Variants in ACTR3C observed in about 807,000 individuals in gnomAD.
ACTR3C encodes the protein actin-related protein 3C.
Under a neutral mutation model 26.3 loss-of-function variants are expected in ACTR3C, and 18 were observed. The ratio of observed to expected loss-of-function variants is 0.68; its 90% CI spans 0.47 to 1.01. The LOEUF is 1.01. ACTR3C is among the 50% of genes least tolerant of loss of function. ACTR3C has a pLI of 0.00. For synonymous variants in ACTR3C, 55 were observed against 94.5 expected (o/e 0.58, Z 2.42); for missense variants, 184 against 250.7 (o/e 0.73, Z 1.80).
chr7:150,038,851 C>T, the ACTR3C span, among the ~76,000 whole-genome samples: 4 of 118,788 alleles, frequency 3.4e-5, no homozygotes, highest in African/African-American at 1.0e-4. Context: ...GTGGGGGAAC[C>T]AGGGGCTGGC....
chr7:150,047,931 C>A, the ACTR3C span: 29 of 1,265,952 alleles, frequency 2.3e-5, no homozygotes, highest in Non-Finnish European at 3.0e-5. Context: ...CTCCCCACCC[C>A]GCTCCAGATT....
At chr7:150,137,271 T>C in the ACTR3C span, among the ~76,000 whole-genome samples, 1 of 152,222 alleles carries the variant, frequency 6.6e-6, no homozygotes, top group Non-Finnish European at 1.5e-5. Context: ...GAGTACTAAA[T>C]ACCAGCAAGA....
the ACTR3C span, among the ~76,000 whole-genome samples, chr7:149,920,346 A>G: frequency 6.6e-6 from 1 of 151,676 alleles, no homozygotes; most frequent in East Asian, 2.0e-4. Flanking sequence ...TCGCTTTGTC[A>G]CCCAGGCTGG....
chr7:150,010,785 C>T, the ACTR3C span, among the ~76,000 whole-genome samples: 55,502 of 148,108 alleles, frequency 0.37, 10,529 homozygotes, highest in East Asian at 0.46. Flanking sequence ...TGCTCAGAAA[C>T]GAGCCCTGAA....
chr7:150,247,925 A>C (rs1832557280), intron 7 of ACTR3C: 1 of 152,282 alleles, frequency 6.6e-6, no homozygotes, highest in Non-Finnish European at 1.5e-5. Flanking sequence ...CCCTCCCCAG[A>C]AGCTGGGCAC....
chr7:150,227,784 T>C, the ACTR3C span, among the ~76,000 whole-genome samples: 1 of 150,950 alleles, frequency 6.6e-6, no homozygotes, highest in Non-Finnish European at 1.5e-5. Context: ...CTTGCCTTTG[T>C]TCCTTTGTTA....
chr7:150,230,781 T>C, the ACTR3C span, among the ~76,000 whole-genome samples: 1 of 152,152 alleles, frequency 6.6e-6, no homozygotes, highest in South Asian at 2.1e-4. Context: ...CAGAGTTGTT[T>C]CTAGTATTTT....
chr7:149,985,219 C>CACACAT, the ACTR3C span, among the ~76,000 whole-genome samples: 255 of 139,738 alleles, frequency 1.8e-3, 1 homozygote, highest in African/African-American at 6.2e-3. Context: ...CACACACACA[C>CACACAT]ACACACACAC....
chr7:150,279,626 G>A (rs1405956420), intron 6 of ACTR3C, among the ~76,000 whole-genome samples: 5 of 151,900 alleles, frequency 3.3e-5, no homozygotes, highest in Non-Finnish European at 4.4e-5. Flanking sequence ...AACAGGCACC[G>A]CAGGCATCTG....
At chr7:149,924,891 G>C in the ACTR3C span, among the ~76,000 whole-genome samples, 464 of 152,256 alleles carry the variant, frequency 3.0e-3, 1 homozygote, top group African/African-American at 0.01. Flanking sequence ...GCCTCCCAAA[G>C]TGCTTGCAAT....
the ACTR3C span, among the ~76,000 whole-genome samples, chr7:150,052,669 A>G: frequency 2.5e-4 from 28 of 114,140 alleles, no homozygotes; most frequent in African/African-American, 8.1e-4. Flanking sequence ...TGGTTGATTA[A>G]CACGAGTGTT....
chr7:149,968,550 C>G, the ACTR3C span, among the ~76,000 whole-genome samples: 2 of 152,168 alleles, frequency 1.3e-5, no homozygotes, highest in Non-Finnish European at 2.9e-5. Flanking sequence ...GAAAAATAGA[C>G]AGTCTCACTA....
intron 6 of ACTR3C, among the ~76,000 whole-genome samples, chr7:150,253,543 A>G (rs1832994189): frequency 6.6e-6 from 1 of 152,122 alleles, no homozygotes; most frequent in Admixed American, 6.5e-5. Context: ...ACATTGCATC[A>G]TGCGTCTTTG....
At chr7:150,198,931 G>A in the ACTR3C span, among the ~76,000 whole-genome samples, 2 of 138,614 alleles carry the variant, frequency 1.4e-5, no homozygotes, top group African/African-American at 3.0e-5. Flanking sequence ...GGAGGGAGGT[G>A]GGGGGGTCAG....
chr7:149,982,927 G>C, the ACTR3C span, among the ~76,000 whole-genome samples: 1 of 152,224 alleles, frequency 6.6e-6, no homozygotes, highest in Non-Finnish European at 1.5e-5. Flanking sequence ...ATGCTGAATA[G>C]AAGCAGTGAG....
chr7:150,092,708 G>A, the ACTR3C span, among the ~76,000 whole-genome samples: 1,295 of 150,366 alleles, frequency 8.6e-3, 65 homozygotes, highest in African/African-American at 0.03. Context: ...GTTGCATCTC[G>A]CTGAGCCTCA....
the ACTR3C span, among the ~76,000 whole-genome samples, chr7:150,214,470 G>A: frequency 2.0e-5 from 3 of 151,892 alleles, no homozygotes; most frequent in Non-Finnish European, 2.9e-5. Context: ...AGAACACAGA[G>A]GAGAGACTCA....
the ACTR3C span, among the ~76,000 whole-genome samples, chr7:150,225,987 T>A: frequency 6.6e-6 from 1 of 152,220 alleles, no homozygotes; most frequent in Non-Finnish European, 1.5e-5. Flanking sequence ...GTTAACAACA[T>A]GCATTTAAGA....
chr7:150,014,998 G>A, the ACTR3C span, among the ~76,000 whole-genome samples: 5 of 152,128 alleles, frequency 3.3e-5, no homozygotes, highest in Non-Finnish European at 5.9e-5. Flanking sequence ...GATGTATGGA[G>A]AATAACAAAA....
Sources: allele counts gnomAD v4.1 joint callset (sites outside exome capture counted in the v4.1 genomes callset), GRCh38; gene constraint gnomAD v4.1.1; transcripts MANE v1.5; gene names NCBI Gene and HGNC (gene_info 2026-07-23, HGNC 2026-07-21).